The following NPLOC4 variants were observed in gnomAD, a reference collection of about 807,000 sequenced individuals.
NPLOC4 encodes the protein nuclear protein localization protein 4 homolog.
NPLOC4 carries 18 observed loss-of-function variants against 80.6 expected under a neutral mutation model. The ratio of observed to expected loss-of-function variants is 0.22; its 90% confidence interval spans 0.15 to 0.33. The LOEUF is 0.33. NPLOC4 is among the 10% of genes least tolerant of loss of function. The probability of loss-of-function intolerance (pLI) is 1.00; values close to 1 mark genes in which losing one functional copy is unlikely to be tolerated. For missense variants in NPLOC4, 540 were observed against 786.1 expected (o/e 0.69, Z 3.74); for synonymous variants, 313 against 301.5 (o/e 1.04, Z -0.39).
intron 4 of NPLOC4, chr17:81,612,725 T>C (rs2035374824): frequency 9.6e-6 from 1 of 103,700 alleles, no homozygotes; most frequent in Non-Finnish European, 1.8e-5. Flanking sequence ...GCAAAAAATC[T>C]AAAATAAACA....
intron 2 of NPLOC4, among the ~76,000 whole-genome samples, chr17:81,628,928 G>C (rs1037924880): frequency 3.3e-5 from 5 of 149,856 alleles, no homozygotes; most frequent in African/African-American, 1.2e-4. Flanking sequence ...GCCCAGGCTG[G>C]AGTGCAGTGG....
chr17:81,628,536 T>C (rs62074737), intron 2 of NPLOC4, among the ~76,000 whole-genome samples: 13,742 of 151,772 alleles, frequency 0.091, 891 homozygotes, highest in Admixed American at 0.21. Context: ...ATAACCCTCA[T>C]ATAAACACAG....
intron 1 of NPLOC4, among the ~76,000 whole-genome samples, chr17:81,632,029 G>T (rs928261058): frequency 6.6e-6 from 1 of 151,360 alleles, no homozygotes; most frequent in Non-Finnish European, 1.5e-5. Context: ...GCGCAATCTC[G>T]GCTCACTGCA....
chr17:81,607,206 G>C (rs1486420764), intron 6 of NPLOC4, among the ~76,000 whole-genome samples: 5 of 152,152 alleles, frequency 3.3e-5, no homozygotes, highest in Admixed American at 2.0e-4. Flanking sequence ...TTTGACATTA[G>C]CCCAGTACTT....
At chr17:81,585,775 C>T (rs1043396492) in intron 12 of NPLOC4, among the ~76,000 whole-genome samples, 4 of 151,602 alleles carry the variant, frequency 2.6e-5, no homozygotes, top group Admixed American at 1.3e-4. Context: ...TTGCTTGAGC[C>T]TAGGAGTTCA....
At chr17:81,587,865 C>T (rs371218909) in intron 12 of NPLOC4, among the ~76,000 whole-genome samples, 2 of 150,334 alleles carry the variant, frequency 1.3e-5, no homozygotes, top group Non-Finnish European at 3.0e-5. Flanking sequence ...TTAGTAGAGA[C>T]GGGGTTTCAC....
At chr17:81,600,529 G>A (rs2035034777) in intron 8 of NPLOC4, 102 bp from the exon 9 acceptor site, 1 of 806,656 alleles carries the variant, frequency 1.2e-6, no homozygotes, top group Non-Finnish European at 2.1e-6. Context: ...GGAGTGCTGG[G>A]GGCCTCCTTG....
chr17:81,617,554 A>C (rs1422347662), intron 3 of NPLOC4, among the ~76,000 whole-genome samples: 2 of 152,158 alleles, frequency 1.3e-5, no homozygotes, highest in African/African-American at 4.8e-5. Context: ...TCATGCCTGT[A>C]ATCCCAGCAC....
At chr17:81,621,412 G>A (rs1029880449) in intron 3 of NPLOC4, among the ~76,000 whole-genome samples, 4 of 152,198 alleles carry the variant, frequency 2.6e-5, no homozygotes, top group Admixed American at 6.5e-5. Context: ...ACAGCCAACT[G>A]CCAGCAGGTC....
intron 12 of NPLOC4, among the ~76,000 whole-genome samples, chr17:81,579,125 A>G (rs114553523): frequency 0.082 from 12,528 of 152,288 alleles, 589 homozygotes; most frequent in Middle Eastern, 0.17. Context: ...CTGTAGTTCT[A>G]GCACTTTGGG....
chr17:81,604,484 G>A lies in NPLOC4; in HGVS notation c.834+64C>T, dbSNP rs1009564242. The A allele has an allele frequency of 2.9e-5, 44 of 1,503,780 alleles. 2 individuals carry two copies. The African/African-American group carries it at 3.9e-4, about 13-fold the overall frequency. 93.2% of individuals were successfully genotyped at this position (1,503,780 alleles called of 1,614,324 possible). ...AAAGCGAACAGGGCAAGGCCTCTCC[G>A]AAAGGGCGTCCCCCACAGCCTCCAA... On this transcript the variant is annotated intron_variant, in intron 8 of 16. Transcript: ENST00000331134.
rs897802344 is a variant in NPLOC4 at position 81,558,594 on chromosome 17, T to A, written c.*665A>T. The A allele has an allele frequency of 1.3e-5, 2 of 152,002 alleles. No homozygotes were observed. Among genetic ancestry groups the A allele is most frequent in the Non-Finnish European group, 2.9e-5 (2 of 67,994 alleles). The allele number at this position is 152,002 out of a possible 1,614,324, so 9.4% of individuals were successfully genotyped here. A position where few individuals can be genotyped will look rare whatever the true frequency, so the allele number is the denominator to read the frequency against. ...GTGCAGTTTTTATCTTAAAAAAAAA[T>A]AAATAAAAGTCTTCTGGGCAGGAAT... On this transcript the variant is annotated 3_prime_UTR_variant, in exon 17 of 17. Transcript: ENST00000331134.
rs564930730 is a variant in NPLOC4 at position 81,624,576 on chromosome 17, C to T, written c.97-2298G>A. 3.3e-5 allele frequency among the ~76,000 whole-genome samples: 5 copies of T among 151,748 alleles called. No individual in the cohort carries two copies. In the South Asian group the frequency reaches 8.3e-4, roughly 25 times the overall value. ...TCACGCCATTACACTCTAGCCTGGG[C>T]AACGGAACAAGACTCCACCTCAAAA... On this transcript the variant is annotated intron_variant, in intron 2 of 16. Transcript: ENST00000331134.
At position 81,564,083 on chromosome 17, in the gene NPLOC4, A is replaced by AACACACACACACACACACAC. The variant is rs58774657; in HGVS notation, c.1669+1402_1669+1421dup. On this transcript the variant is annotated intron_variant, in intron 16 of 16. Coordinates refer to ENST00000331134, the MANE Select transcript of NPLOC4 (RefSeq NM_017921.4). Reference sequence around the variant, plus strand: ...GAGACAGGGTGAGGCTCCAGCTCAAAACACACACACACACACACACACACA... The same window carrying AACACACACACACACACACAC: ...GAGACAGGGTGAGGCTCCAGCTCAAAACACACACACACACACACACACACACACACACACACACACACACA... 1.4e-3 allele frequency: 388 copies of AACACACACACACACACACAC among 274,888 alleles called. 7 individuals carry two copies. The highest frequency in any genetic ancestry group is 8.9e-3 in the African/African-American group (331 of 37,396). The allele number at this position is 274,888 out of a possible 1,614,324, so 17.0% of individuals were successfully genotyped here.
chr17:81,636,884 C>G, intron 1 of NPLOC4, 32 bp downstream of exon 1: 4 of 1,405,518 alleles, frequency 2.8e-6, no homozygotes, highest in Non-Finnish European at 3.7e-6. Flanking sequence ...CTCATCCCGG[C>G]GTCCCCGCTC....
chr17:81,635,698 C>T (rs1192567577), intron 1 of NPLOC4, among the ~76,000 whole-genome samples: 4 of 152,092 alleles, frequency 2.6e-5, no homozygotes, highest in Admixed American at 1.3e-4. Context: ...TGAGTCACCG[C>T]GCCGGGCCTG....
intron 3 of NPLOC4, among the ~76,000 whole-genome samples, chr17:81,615,577 GCAGCCAGCAACA>G (rs2144264762): frequency 6.6e-6 from 1 of 152,340 alleles, no homozygotes; most frequent in African/African-American, 2.4e-5. Flanking sequence ...CACTCAGACA[GCAGCCAGCAACA>G]CAGAACTCAG....
chr17:81,628,469 T>C (rs2035855113), intron 2 of NPLOC4, among the ~76,000 whole-genome samples: 1 of 151,636 alleles, frequency 6.6e-6, no homozygotes, highest in Non-Finnish European at 1.5e-5. Flanking sequence ...GCCGAGATCA[T>C]GCCACTGCAC....
In NPLOC4 at chr17:81,613,377, C is replaced by T. The variant is rs564220329; in HGVS notation, c.327G>A (p.Glu109=). Residue 109 remains glutamate, a synonymous_variant, in exon 4 of 17, where the codon GAG becomes GAA. Coordinates refer to ENST00000331134, the MANE Select transcript of NPLOC4 (RefSeq NM_017921.4). Reference sequence around the variant, plus strand: ...CCTGTTTGCTGAGGTACTGATCAATCTCATCCTCCACCACGTTGGGAGCGC... The same window carrying T: ...CCTGTTTGCTGAGGTACTGATCAATTTCATCCTCCACCACGTTGGGAGCGC... ...VFGAPNVVED[E]IDQYLSKQDG... 212 of 1,613,988 alleles carry T rather than the reference C, an allele frequency of 1.3e-4. 3 individuals are homozygous for T. The South Asian group carries it at 1.9e-3, about 14-fold the overall frequency.
Sources: allele counts gnomAD v4.1 joint callset (sites outside exome capture counted in the v4.1 genomes callset), GRCh38; gene constraint gnomAD v4.1.1; transcripts MANE v1.5; gene names NCBI Gene and HGNC (gene_info 2026-07-23, HGNC 2026-07-21).